Variants in FRMD3 observed in about 807,000 individuals in gnomAD.
FRMD3 encodes the protein FERM domain-containing protein 3.
Under a neutral mutation model 70.2 loss-of-function variants are expected in FRMD3, and 33 were observed. The ratio of observed to expected loss-of-function variants is 0.47; its 90% CI spans 0.36 to 0.63. The LOEUF (loss-of-function observed/expected upper bound fraction) is 0.63. FRMD3 is among the 20% of genes least tolerant of loss of function. The probability of loss-of-function intolerance (pLI) is 0.00; values close to 1 mark genes in which losing one functional copy is unlikely to be tolerated. For missense variants in FRMD3, 632 were observed against 711.4 expected (o/e 0.89, Z 1.27); for synonymous variants, 279 against 255.9 (o/e 1.09, Z -0.86).
intron 1 of FRMD3, among the ~76,000 whole-genome samples, chr9:83,434,809 C>A (rs931200141): frequency 9.4e-5 from 14 of 148,876 alleles, no homozygotes; most frequent in Non-Finnish European, 1.8e-4. Flanking sequence ...TCCCCTCCCC[C>A]ACCCCTCTGC....
At chr9:83,536,930 T>TAAAAAAAA (rs142272516) in intron 1 of FRMD3, among the ~76,000 whole-genome samples, 10 of 60,886 alleles carry the variant, frequency 1.6e-4, no homozygotes, top group African/African-American at 6.1e-4. Context: ...TGTATTACAC[T>TAAAAAAAA]AAAAAAAAAA....
chr9:83,303,435 T>C (rs772477613), intron 10 of FRMD3, among the ~76,000 whole-genome samples: 12 of 152,222 alleles, frequency 7.9e-5, no homozygotes, highest in Non-Finnish European at 1.6e-4. Flanking sequence ...TCGTACTGGC[T>C]CTCAAATTTT....
chr9:83,475,925 C>G (rs1411250938), intron 1 of FRMD3, among the ~76,000 whole-genome samples: 4 of 152,144 alleles, frequency 2.6e-5, no homozygotes, highest in Admixed American at 6.5e-5. Context: ...TCCTCCTCCC[C>G]CCAGGCCTCA....
chr9:83,350,790 T>C (rs917438965), intron 3 of FRMD3: 1 of 931,748 alleles, frequency 1.1e-6, no homozygotes, highest in Non-Finnish European at 1.3e-6. Flanking sequence ...TTGCCTCAAA[T>C]ATCCAGAACT....
At chr9:83,285,524 A>T (rs904236864) in intron 13 of FRMD3, among the ~76,000 whole-genome samples, 5 of 152,112 alleles carry the variant, frequency 3.3e-5, no homozygotes, top group Admixed American at 3.3e-4. Flanking sequence ...TGTACCTACC[A>T]AGCATGGCTT....
At chr9:83,438,573 T>C (rs1165433939) in intron 1 of FRMD3, among the ~76,000 whole-genome samples, 1 of 152,190 alleles carries the variant, frequency 6.6e-6, no homozygotes, top group African/African-American at 2.4e-5. Context: ...CTAATTTTTG[T>C]ATTTTTAGTA....
intron 9 of FRMD3, 110 bp downstream of exon 9, chr9:83,310,375 C>T: frequency 1.2e-6 from 1 of 851,266 alleles, no homozygotes; most frequent in East Asian, 2.5e-5. Flanking sequence ...TATCACCATA[C>T]ACTTCAAAGT....
intron 1 of FRMD3, among the ~76,000 whole-genome samples, chr9:83,395,756 A>G (rs1034014802): frequency 6.6e-6 from 1 of 151,460 alleles, no homozygotes; most frequent in Admixed American, 6.6e-5. Context: ...AGTCAGCAAT[A>G]GCTTTTCTTC....
At chr9:83,373,610 G>A (rs1378437377) in intron 2 of FRMD3, among the ~76,000 whole-genome samples, 1 of 151,914 alleles carries the variant, frequency 6.6e-6, no homozygotes. Flanking sequence ...CACCACGCTG[G>A]TCCCAGTGGC....
chr9:83,437,774 C>G (rs897178907), intron 1 of FRMD3, among the ~76,000 whole-genome samples: 1 of 152,212 alleles, frequency 6.6e-6, no homozygotes, highest in Non-Finnish European at 1.5e-5. Context: ...AGACGGGACA[C>G]ATGTGCACCT....
At chr9:83,500,566 C>T (rs975971002) in intron 1 of FRMD3, among the ~76,000 whole-genome samples, 1 of 150,998 alleles carries the variant, frequency 6.6e-6, no homozygotes, top group Admixed American at 6.6e-5. Context: ...AGTGGCCACA[C>T]TTTGAGAACC....
chr9:83,433,252 G>A (rs1352735232), intron 1 of FRMD3, among the ~76,000 whole-genome samples: 1 of 152,172 alleles, frequency 6.6e-6, no homozygotes, highest in Admixed American at 6.5e-5. Context: ...TGCATGCTTA[G>A]TTCATGATAT....
the FRMD3 span, among the ~76,000 whole-genome samples, chr9:83,549,161 G>T: frequency 6.6e-6 from 1 of 151,990 alleles, no homozygotes; most frequent in African/African-American, 2.4e-5. Flanking sequence ...GTGTTCATAA[G>T]TTCTTATCAT....
chr9:83,392,087 A>G (rs1825681190), intron 1 of FRMD3, among the ~76,000 whole-genome samples: 1 of 152,138 alleles, frequency 6.6e-6, no homozygotes, highest in Non-Finnish European at 1.5e-5. Flanking sequence ...AGAAAAAAAA[A>G]AAAGCCCCTT....
At position 83,378,628 on chromosome 9, in the gene FRMD3, T is replaced by TTA. The variant is rs563349089; in HGVS notation, c.253-5675_253-5674dup. On this transcript the variant is annotated intron_variant, in intron 2 of 13. Transcript: ENST00000304195. ...AAAATTTATATATATTATACATAAT[T>TTA]TATATATATAATTTATATATTATAT... 2.4e-3 allele frequency among the ~76,000 whole-genome samples: 294 copies of TTA among 125,050 alleles called. 2 individuals are homozygous for TTA. The highest frequency in any genetic ancestry group is 9.8e-3 in the African/African-American group (277 of 28,392). 82.0% of individuals were successfully genotyped at this position (125,050 alleles called of 152,430 possible).
At chr9:83,248,916 A>G (rs1221677773) in intron 13 of FRMD3, among the ~76,000 whole-genome samples, 1 of 152,228 alleles carries the variant, frequency 6.6e-6, no homozygotes, top group African/African-American at 2.4e-5. Flanking sequence ...CTGTCATTCA[A>G]TGACAATCTC....
intron 6 of FRMD3, 77 bp from the exon 7 acceptor site, chr9:83,313,824 T>A: frequency 9.4e-7 from 1 of 1,061,120 alleles, no homozygotes; most frequent in Non-Finnish European, 1.5e-6. Flanking sequence ...TTCAATAAAG[T>A]ATGGTGTTCT....
chr9:83,284,061 A>ATTTTTGTTTTT (rs1834089439), intron 13 of FRMD3, among the ~76,000 whole-genome samples: 1 of 101,712 alleles, frequency 9.8e-6, no homozygotes, highest in African/African-American at 3.7e-5. Flanking sequence ...CTAGGATGTT[A>ATTTTTGTTTTT]TTTTTTTTTT....
chr9:83,312,219 C>T (rs1039445632), intron 7 of FRMD3, among the ~76,000 whole-genome samples: 3 of 152,160 alleles, frequency 2.0e-5, no homozygotes, highest in Non-Finnish European at 4.4e-5. Context: ...TAGGAACCTC[C>T]TGGAAAAATA....
Sources: allele counts gnomAD v4.1 joint callset (sites outside exome capture counted in the v4.1 genomes callset), GRCh38; gene constraint gnomAD v4.1.1; transcripts MANE v1.5; gene names NCBI Gene and HGNC (gene_info 2026-07-23, HGNC 2026-07-21).